Variants in CDH8 observed in about 807,000 individuals in gnomAD.
The protein encoded by CDH8 is cadherin-8.
A neutral mutation model predicts 68.1 loss-of-function variants in CDH8; 17 were observed. The observed-to-expected ratio is 0.25, with a 90% confidence interval of 0.17 to 0.37. The LOEUF (loss-of-function observed/expected upper bound fraction) is 0.37. Ranked by LOEUF, CDH8 falls within the 10% of genes least tolerant of loss-of-function variation. CDH8 has a pLI of 1.00. For synonymous variants in CDH8, 372 were observed against 365.1 expected, an observed-to-expected ratio of 1.02 and a Z score of -0.21; for missense variants, 763 against 999.3, an observed-to-expected ratio of 0.76 and a Z score of 3.19.
At chr16:61,775,750 A>G (rs1024179887) in intron 8 of CDH8, among the ~76,000 whole-genome samples, 1 of 152,060 alleles carries the variant, frequency 6.6e-6, no homozygotes, top group African/African-American at 2.4e-5. Flanking sequence ...TGAGGCCAAG[A>G]TTGACTTGGC....
intron 4 of CDH8, among the ~76,000 whole-genome samples, chr16:61,844,794 A>C (rs1471899237): frequency 6.6e-6 from 1 of 152,206 alleles, no homozygotes; most frequent in Non-Finnish European, 1.5e-5. Context: ...AGTTACGTAT[A>C]GTGAGAAAAA....
intron 3 of CDH8, among the ~76,000 whole-genome samples, chr16:61,869,475 T>C (rs1458720666): frequency 6.6e-6 from 1 of 152,160 alleles, no homozygotes; most frequent in African/African-American, 2.4e-5. Flanking sequence ...GTCTGTGATT[T>C]TACAATATTG....
At chr16:61,833,587 A>T (rs1962508051) in intron 4 of CDH8, among the ~76,000 whole-genome samples, 2 of 151,908 alleles carry the variant, frequency 1.3e-5, no homozygotes, top group South Asian at 4.1e-4. Context: ...CAGGTAACAA[A>T]GTGATTTTTC....
intron 3 of CDH8, among the ~76,000 whole-genome samples, chr16:61,874,165 A>G (rs1324125118): frequency 6.6e-6 from 1 of 152,104 alleles, no homozygotes; most frequent in Non-Finnish European, 1.5e-5. Flanking sequence ...CAAAATATAT[A>G]TACCTACTAT....
In CDH8 at chr16:61,651,884, T is replaced by C. The variant is rs1367967820; in HGVS notation, c.*1724A>G. On this transcript the variant is annotated 3_prime_UTR_variant, in exon 12 of 12. Coordinates refer to ENST00000577390, the MANE Select transcript of CDH8 (RefSeq NM_001796.5). ...ATTTCTCTTCTCTGTTTCTCTATAA[T>C]AAAGAGTCTTACAAACAAAAGTGAC... The C allele has an allele frequency of 1.2e-5, 2 of 161,744 alleles. No individual in the cohort carries two copies. The highest frequency in any genetic ancestry group is 2.6e-5 in the Non-Finnish European group (2 of 76,842). The allele number at this position is 161,744 out of a possible 1,614,324, so 10.0% of individuals were successfully genotyped here. A position where few individuals can be genotyped will look rare whatever the true frequency, so the allele number is the denominator to read the frequency against.
At chr16:61,792,409 C>T (rs907566522) in intron 7 of CDH8, among the ~76,000 whole-genome samples, 1 of 151,952 alleles carries the variant, frequency 6.6e-6, no homozygotes, top group Non-Finnish European at 1.5e-5. Flanking sequence ...GTAGAAATTT[C>T]ACACATTTTA....
intron 2 of CDH8, among the ~76,000 whole-genome samples, chr16:62,020,479 AAC>A (rs911076902): frequency 4.1e-4 from 54 of 131,708 alleles, no homozygotes; most frequent in Admixed American, 1.1e-3. Flanking sequence ...AGTCCAGTCT[AAC>A]ACACACACGC....
At chr16:61,832,669 A>AT (rs1320901176) in intron 4 of CDH8, among the ~76,000 whole-genome samples, 3 of 151,688 alleles carry the variant, frequency 2.0e-5, no homozygotes, top group African/African-American at 7.3e-5. Context: ...TCTGTACAAT[A>AT]TTTTTTAAAA....
chr16:61,983,013 CTAAA>C (rs1274235601), intron 2 of CDH8, among the ~76,000 whole-genome samples: 1 of 151,970 alleles, frequency 6.6e-6, no homozygotes. Flanking sequence ...AAGATTAATA[CTAAA>C]TAATACAAAT....
intron 3 of CDH8, 32 bp from the exon 4 acceptor site, chr16:61,857,270 A>T: frequency 6.3e-7 from 1 of 1,584,348 alleles, no homozygotes; most frequent in Non-Finnish European, 8.6e-7. Flanking sequence ...AAAGATAATA[A>T]TTAACACATT....
intron 3 of CDH8, among the ~76,000 whole-genome samples, chr16:61,886,305 A>C (rs898572921): frequency 5.9e-5 from 9 of 152,178 alleles, no homozygotes; most frequent in East Asian, 1.9e-4. Context: ...ATAAAAAAAA[A>C]CTGCATATAA....
rs1034333492 is a variant in CDH8 at position 61,647,475 on chromosome 16, G to C, written c.*6133C>G. 4.2e-6 allele frequency: 1 copy of C among 240,896 alleles called. No homozygotes were observed. Among genetic ancestry groups the C allele is most frequent in the Non-Finnish European group, 8.0e-6 (1 of 125,718 alleles). 14.9% of individuals were successfully genotyped at this position (240,896 alleles called of 1,614,324 possible). Reference sequence around the variant, plus strand: ...CAGAGTAACGTTGGAAAGGTGGGGGGGGTGATCCCAGTGACTCCTAAATTG... The same window carrying C: ...CAGAGTAACGTTGGAAAGGTGGGGGCGGTGATCCCAGTGACTCCTAAATTG... On this transcript the variant is annotated 3_prime_UTR_variant, in exon 12 of 12. Transcript: ENST00000577390.
chr16:61,931,289 G>A (rs554457107), intron 2 of CDH8, among the ~76,000 whole-genome samples: 8 of 152,088 alleles, frequency 5.3e-5, no homozygotes, highest in Middle Eastern at 3.4e-3. Context: ...TCAGCCTTCC[G>A]AGTAGCTGAG....
chr16:61,650,706 T>TGTGTGAGAGAGAGAGAGA lies in CDH8; in HGVS notation c.*2901_*2902insTCTCTCTCTCTCTCACAC, dbSNP rs745949180. ...GTGTGTGTGTGTGTGTGTGTGTGTG[T>TGTGTGAGAGAGAGAGAGA]GAGAGAGAGAGAGAGAGAGAGAGAG... On this transcript the variant is annotated 3_prime_UTR_variant, in exon 12 of 12. Transcript: ENST00000577390. 6.0e-5 allele frequency: 7 copies of TGTGTGAGAGAGAGAGAGA among 116,680 alleles called. No homozygotes were observed. Among genetic ancestry groups the TGTGTGAGAGAGAGAGAGA allele is most frequent in the African/African-American group, 2.3e-4 (7 of 29,868 alleles). 7.2% of individuals were successfully genotyped at this position (116,680 alleles called of 1,614,324 possible).
chr16:61,655,869 C>T (rs964540335), intron 10 of CDH8, 148 bp from the exon 11 acceptor site: 5 of 665,774 alleles, frequency 7.5e-6, no homozygotes, highest in Middle Eastern at 4.2e-4. Flanking sequence ...GACTCGTCTC[C>T]GCACTTTTTT....
At chr16:61,898,809 G>T (rs79043730) in intron 3 of CDH8, among the ~76,000 whole-genome samples, 1 of 152,018 alleles carries the variant, frequency 6.6e-6, no homozygotes, top group Non-Finnish European at 1.5e-5. Context: ...CAACAATATC[G>T]CTTCCATGTT....
intron 10 of CDH8, among the ~76,000 whole-genome samples, chr16:61,670,836 G>T (rs1478011007): frequency 6.6e-6 from 1 of 151,894 alleles, no homozygotes; most frequent in Non-Finnish European, 1.5e-5. Flanking sequence ...TTGACAAAGA[G>T]ATAATTCACA....
At chr16:61,730,817 G>T (rs1420821010) in intron 8 of CDH8, among the ~76,000 whole-genome samples, 1 of 151,486 alleles carries the variant, frequency 6.6e-6, no homozygotes, top group Non-Finnish European at 1.5e-5. Context: ...TTTAGCATAA[G>T]TCACATCTCT....
Position 61,741,637 on chromosome 16 carries a change from G to A in CDH8, c.1415-14422C>T, listed in dbSNP as rs143616048. Among the ~76,000 whole-genome samples the A allele has an allele frequency of 2.2e-3, 331 of 152,060 alleles. 3 individuals are homozygous for A. The highest frequency in any genetic ancestry group is 7.6e-3 in the African/African-American group (314 of 41,468). On this transcript the variant is annotated intron_variant, in intron 8 of 11. Transcript: ENST00000577390. ...CCACATTATTGCTATTTCCCCCTGT[G>A]GCATCTTTGTTATAATTCAGTTGAG...
Sources: allele counts gnomAD v4.1 joint callset (sites outside exome capture counted in the v4.1 genomes callset), GRCh38; gene constraint gnomAD v4.1.1; transcripts MANE v1.5; gene names NCBI Gene and HGNC (gene_info 2026-07-23, HGNC 2026-07-21).